Variants in ST6GALNAC3 observed in about 807,000 individuals in gnomAD.
ST6GALNAC3 encodes the protein alpha-N-acetylgalactosaminide alpha-2,6-sialyltransferase 3.
In ST6GALNAC3, 25 loss-of-function variants were observed where a neutral mutation model predicts 32.7. The observed-to-expected ratio is 0.76, with a 90% CI of 0.56 to 1.07. The LOEUF is 1.07. Ranked by LOEUF, ST6GALNAC3 falls within the 50% of genes least tolerant of loss-of-function variation. The pLI is 0.00. For missense variants in ST6GALNAC3, 355 were observed against 382.4 expected (o/e 0.93, Z 0.60); for synonymous variants, 129 against 133.1 (o/e 0.97, Z 0.21).
chr1:76,470,846 A>T (rs1483628776), intron 3 of ST6GALNAC3, among the ~76,000 whole-genome samples: 1 of 152,022 alleles, frequency 6.6e-6, no homozygotes, highest in Admixed American at 6.6e-5. Context: ...TCTTATGCTG[A>T]GGTGATTTTA....
At chr1:76,315,111 A>C (rs1646840849) in intron 2 of ST6GALNAC3, among the ~76,000 whole-genome samples, 1 of 152,168 alleles carries the variant, frequency 6.6e-6, no homozygotes, top group African/African-American at 2.4e-5. Context: ...ATAACACATA[A>C]ATTCTTAGAA....
At chr1:76,221,026 G>A (rs115387712) in intron 1 of ST6GALNAC3, among the ~76,000 whole-genome samples, 1 of 151,582 alleles carries the variant, frequency 6.6e-6, no homozygotes, top group African/African-American at 2.4e-5. Context: ...ATTGGCTTTG[G>A]AGCAATCAAT....
chr1:76,596,166 T>C (rs952777224), intron 3 of ST6GALNAC3, among the ~76,000 whole-genome samples: 5 of 152,202 alleles, frequency 3.3e-5, no homozygotes, highest in African/African-American at 9.6e-5. Context: ...GGAAGACTGC[T>C]AGAAAACTCT....
At chr1:76,404,585 C>A (rs960528870) in intron 2 of ST6GALNAC3, among the ~76,000 whole-genome samples, 8 of 151,992 alleles carry the variant, frequency 5.3e-5, no homozygotes, top group Non-Finnish European at 1.2e-4. Context: ...TCCCCAATGC[C>A]GTCATTATAC....
At chr1:76,380,432 T>A (rs545396603) in intron 2 of ST6GALNAC3, among the ~76,000 whole-genome samples, 8 of 152,160 alleles carry the variant, frequency 5.3e-5, no homozygotes, top group Non-Finnish European at 7.3e-5. Context: ...CATATGCATA[T>A]CCTACATCAT....
intron 1 of ST6GALNAC3, among the ~76,000 whole-genome samples, chr1:76,132,921 A>G (rs1331831706): frequency 6.6e-6 from 1 of 151,996 alleles, no homozygotes; most frequent in Non-Finnish European, 1.5e-5. Context: ...GGTTTTCTGA[A>G]CCATTTTCCA....
intron 2 of ST6GALNAC3, among the ~76,000 whole-genome samples, chr1:76,326,833 T>G (rs1485466358): frequency 6.6e-6 from 1 of 151,120 alleles, no homozygotes; most frequent in African/African-American, 2.4e-5. Context: ...TGGGTTTTTT[T>G]TTTTTTTTTT....
At chr1:76,402,795 C>G (rs969554745) in intron 2 of ST6GALNAC3, among the ~76,000 whole-genome samples, 1 of 152,066 alleles carries the variant, frequency 6.6e-6, no homozygotes, top group Admixed American at 6.6e-5. Flanking sequence ...TAGTTGAAGT[C>G]CTTTCTTATA....
intron 3 of ST6GALNAC3, among the ~76,000 whole-genome samples, chr1:76,448,544 A>T (rs1251260276): frequency 6.6e-6 from 1 of 152,168 alleles, no homozygotes; most frequent in African/African-American, 2.4e-5. Flanking sequence ...CCAAATCTCA[A>T]CTTGAATTAC....
intron 1 of ST6GALNAC3, among the ~76,000 whole-genome samples, chr1:76,269,743 A>G (rs992284980): frequency 6.6e-6 from 1 of 152,210 alleles, no homozygotes; most frequent in African/African-American, 2.4e-5. Flanking sequence ...AAAGACTGGA[A>G]AAAAGAAAAC....
chr1:76,520,370 C>T (rs1662445568), intron 3 of ST6GALNAC3, among the ~76,000 whole-genome samples: 1 of 152,116 alleles, frequency 6.6e-6, no homozygotes, highest in African/African-American at 2.4e-5. Flanking sequence ...TCAGAATTCC[C>T]ATTTTATAAA....
chr1:76,596,357 T>C (rs967350568), intron 3 of ST6GALNAC3, among the ~76,000 whole-genome samples: 1 of 152,208 alleles, frequency 6.6e-6, no homozygotes, highest in African/African-American at 2.4e-5. Flanking sequence ...GTCTTGTTTA[T>C]GTGAAATAGC....
At chr1:76,406,237 G>A (rs1310411671) in intron 2 of ST6GALNAC3, among the ~76,000 whole-genome samples, 1 of 152,020 alleles carries the variant, frequency 6.6e-6, no homozygotes, top group Non-Finnish European at 1.5e-5. Flanking sequence ...CTTGCAAATG[G>A]CCACTGTGAA....
rs796581570 is a variant in ST6GALNAC3, at chr1:76,121,680, T to C, written c.18+46796T>C. On this transcript the variant is annotated intron_variant, in intron 1 of 4. Coordinates refer to ENST00000328299, the MANE Select transcript of ST6GALNAC3 (RefSeq NM_152996.4). ...GCAGTGAGCCGAGATTGCGCCACTG[T>C]ACTCCAGCCTGGGCAACAGAGCCAG... 7.2e-5 allele frequency among the ~76,000 whole-genome samples: 11 copies of C among 152,130 alleles called. 1 individual carries two copies. The highest frequency in any genetic ancestry group is 2.6e-4 in the African/African-American group (11 of 41,510).
intron 1 of ST6GALNAC3, among the ~76,000 whole-genome samples, chr1:76,100,074 GTAGT>G (rs747645735): frequency 4.8e-4 from 73 of 152,212 alleles, no homozygotes; most frequent in Non-Finnish European, 8.7e-4. Context: ...TTATAAACAT[GTAGT>G]TAGTTTTTAT....
intron 3 of ST6GALNAC3, among the ~76,000 whole-genome samples, chr1:76,530,516 G>A (rs961964916): frequency 9.8e-5 from 15 of 152,300 alleles, no homozygotes; most frequent in Admixed American, 9.2e-4. Context: ...GCTGAGCTGA[G>A]CTGAGAGATG....
chr1:76,138,799 A>G (rs1650112666), intron 1 of ST6GALNAC3, among the ~76,000 whole-genome samples: 1 of 152,172 alleles, frequency 6.6e-6, no homozygotes, highest in Admixed American at 6.5e-5. Flanking sequence ...TAAACTCTCC[A>G]GTGGGATAGA....
At chr1:76,227,598 T>A (rs1656146812) in intron 1 of ST6GALNAC3, among the ~76,000 whole-genome samples, 2 of 152,234 alleles carry the variant, frequency 1.3e-5, no homozygotes, top group Non-Finnish European at 2.9e-5. Flanking sequence ...TGTGTTATTG[T>A]GTCAAGCACT....
intron 1 of ST6GALNAC3, among the ~76,000 whole-genome samples, chr1:76,225,224 A>C (rs1655998486): frequency 6.6e-6 from 1 of 152,124 alleles, no homozygotes; most frequent in South Asian, 2.1e-4. Context: ...TAGAAATGAG[A>C]TTTAATCTGA....
Sources: gnomAD v4.1 joint callset for allele counts (sites outside exome capture counted in the v4.1 genomes callset) on GRCh38, gnomAD v4.1.1 for gene constraint, MANE v1.5 for transcripts, NCBI Gene and HGNC (gene_info 2026-07-23, HGNC 2026-07-21) for gene names.